GPM6A: variants seen among roughly 807,000 people sequenced by gnomAD.
The protein encoded by GPM6A is glycoprotein M6A, also known as neuronal membrane glycoprotein M6-a.
In GPM6A, 7 loss-of-function variants were observed where a neutral mutation model predicts 32.1. The observed-to-expected ratio is 0.22, with a 90% CI of 0.12 to 0.41. The LOEUF (loss-of-function observed/expected upper bound fraction) is 0.41. Ranked by LOEUF, GPM6A falls within the 10% of genes least tolerant of loss-of-function variation. GPM6A has a pLI of 1.00. For missense variants in GPM6A, 235 were observed against 347.2 expected (o/e 0.68, Z 2.57); for synonymous variants, 130 against 123.4 (o/e 1.05, Z -0.35).
At chr4:175,909,570 G>C (rs1738248756) in intron 1 of GPM6A, among the ~76,000 whole-genome samples, 1 of 152,156 alleles carries the variant, frequency 6.6e-6, no homozygotes, top group South Asian at 2.1e-4. Context: ...ATACAATATA[G>C]GTGAAGGGTG....
At chr4:175,814,167 C>T (rs192651816), upstream of GPM6A, among the ~76,000 whole-genome samples, 347 of 152,296 alleles carry the variant, frequency 2.3e-3, no homozygotes, top group African/African-American at 7.7e-3. Flanking sequence ...ATTGTAGTGC[C>T]AGTAGATACA....
intron 6 of GPM6A, among the ~76,000 whole-genome samples, chr4:175,638,834 T>C (rs1056490574): frequency 2.0e-5 from 3 of 152,162 alleles, no homozygotes; most frequent in African/African-American, 7.2e-5. Context: ...TTTCCTCTGA[T>C]ATCACAACCA....
chr4:175,939,127 G>T (rs1739329436), intron 1 of GPM6A, among the ~76,000 whole-genome samples: 2 of 152,148 alleles, frequency 1.3e-5, no homozygotes, highest in Non-Finnish European at 2.9e-5. Context: ...CCAATTAAGG[G>T]TATCTGCATA....
At chr4:175,830,893 G>T (rs1735590363) in intron 1 of GPM6A, among the ~76,000 whole-genome samples, 1 of 149,892 alleles carries the variant, frequency 6.7e-6, no homozygotes, top group African/African-American at 2.5e-5. Context: ...TATACTAACT[G>T]GGTTGGGGAA....
upstream of GPM6A, chr4:176,002,336 A>G: frequency 6.3e-7 from 1 of 1,586,982 alleles, no homozygotes; most frequent in Middle Eastern, 1.7e-4. Flanking sequence ...GCTTCTCTGC[A>G]GTCCCCAGAG....
At chr4:175,869,748 C>T (rs967607546) in intron 1 of GPM6A, among the ~76,000 whole-genome samples, 1 of 150,330 alleles carries the variant, frequency 6.7e-6, no homozygotes, top group Non-Finnish European at 1.5e-5. Flanking sequence ...CAGAACAAGA[C>T]TCCGTCTCAA....
intron 1 of GPM6A, among the ~76,000 whole-genome samples, chr4:175,753,701 C>T (rs985612503): frequency 1.3e-5 from 2 of 152,090 alleles, no homozygotes; most frequent in African/African-American, 2.4e-5. Context: ...AATGGTCTTC[C>T]AAATTCTGCT....
intron 1 of GPM6A, among the ~76,000 whole-genome samples, chr4:175,901,628 C>CTTTTTTTTTTTTTTCTTTTTT (rs59461626): frequency 3.9e-5 from 5 of 127,010 alleles, no homozygotes; most frequent in Non-Finnish European, 4.8e-5. Flanking sequence ...TTTTCTTTTT[C>CTTTTTTTTTTTTTTCTTTTTT]TTTTTTTTTT....
intron 1 of GPM6A, among the ~76,000 whole-genome samples, chr4:175,767,286 T>G (rs1216622506): frequency 2.6e-5 from 4 of 152,184 alleles, no homozygotes; most frequent in Admixed American, 2.6e-4. Flanking sequence ...ATTCAAAATC[T>G]GCCCCATTTT....
intron 1 of GPM6A, among the ~76,000 whole-genome samples, chr4:176,000,696 C>CAA (rs1741450199): frequency 6.6e-6 from 1 of 152,142 alleles, no homozygotes. Flanking sequence ...GACAGCTTTT[C>CAA]TCCTGTGTGA....
rs1250668726 is a variant in GPM6A at position 175,634,260 on chromosome 4, A to T, written c.*645T>A. On this transcript the variant is annotated 3_prime_UTR_variant, in exon 7 of 7. Coordinates refer to ENST00000393658, the MANE Select transcript of GPM6A (RefSeq NM_201591.3). ...AATCTGAGGGAAATACCTTTTAAGA[A>T]CATCAAGGAAAAGTACAATGTTAAC... 4 of 152,594 alleles carry T rather than the reference A, an allele frequency of 2.6e-5. No individual in the cohort carries two copies. Among genetic ancestry groups the T allele is most frequent in the Admixed American group, 1.3e-4 (2 of 15,266 alleles). The allele number at this position is 152,594 out of a possible 1,614,324, so 9.5% of individuals were successfully genotyped here. A position where few individuals can be genotyped will look rare whatever the true frequency, so the allele number is the denominator to read the frequency against.
Position 175,725,295 on chromosome 4 carries a change from GTTT to G in GPM6A, c.38-23531_38-23529del, listed in dbSNP as rs34600738. ...TTAATGCATTATGTTTTGGGTTTTT[GTTT>G]TTTTTTTTTTTGCAACAGAGTCTTG... On this transcript the variant is annotated intron_variant, in intron 1 of 6. Coordinates refer to ENST00000393658, the MANE Select transcript of GPM6A (RefSeq NM_201591.3). Among the ~76,000 whole-genome samples the G allele has an allele frequency of 2.8e-3, 363 of 130,326 alleles. 5 individuals carry two copies. Among genetic ancestry groups the G allele is most frequent in the African/African-American group, 9.7e-3 (348 of 36,054 alleles). The allele number at this position is 130,326 out of a possible 152,430, so 85.5% of individuals were successfully genotyped here.
At chr4:175,730,084 T>A (rs1000505968) in intron 1 of GPM6A, among the ~76,000 whole-genome samples, 1 of 151,818 alleles carries the variant, frequency 6.6e-6, no homozygotes, top group Non-Finnish European at 1.5e-5. Context: ...TGAATCTTTT[T>A]AAAAAATTTT....
chr4:175,636,260 G>GTATATATATGTA (rs1740582321), intron 6 of GPM6A, among the ~76,000 whole-genome samples: 1 of 101,340 alleles, frequency 9.9e-6, no homozygotes, highest in African/African-American at 4.0e-5. Context: ...CATAATCACT[G>GTATATATATGTA]TATATATATA....
intron 2 of GPM6A, among the ~76,000 whole-genome samples, chr4:175,675,642 C>CTTAG (rs1743320362): frequency 6.6e-6 from 1 of 151,806 alleles, no homozygotes; most frequent in Non-Finnish European, 1.5e-5. Flanking sequence ...ATAATTTCCA[C>CTTAG]TTATTTATTT....
chr4:175,829,015 C>T (rs4690636), intron 1 of GPM6A, among the ~76,000 whole-genome samples: 146,221 of 152,228 alleles, frequency 0.96, 70,518 homozygotes, highest in East Asian at 1. Flanking sequence ...CCTCCACCTC[C>T]CCAGCTAAAT....
chr4:175,760,991 T>C (rs1732714578), intron 1 of GPM6A, among the ~76,000 whole-genome samples: 1 of 152,308 alleles, frequency 6.6e-6, no homozygotes, highest in South Asian at 2.1e-4. Flanking sequence ...TTTATTGTTT[T>C]ATGTAATTCT....
intron 3 of GPM6A, among the ~76,000 whole-genome samples, chr4:175,661,449 A>G (rs922432557): frequency 3.9e-5 from 6 of 151,956 alleles, no homozygotes; most frequent in African/African-American, 1.4e-4. Context: ...AAAAAAAAAA[A>G]AAAGTCACTG....
intron 2 of GPM6A, among the ~76,000 whole-genome samples, chr4:175,687,849 G>A (rs1560875645): frequency 1.3e-5 from 2 of 152,034 alleles, no homozygotes; most frequent in African/African-American, 4.8e-5. Flanking sequence ...GTTATTTTCT[G>A]TCTTATTTTG....
Sources: allele counts gnomAD v4.1 joint callset (sites outside exome capture counted in the v4.1 genomes callset), GRCh38; gene constraint gnomAD v4.1.1; transcripts MANE v1.5; gene names NCBI Gene and HGNC (gene_info 2026-07-23, HGNC 2026-07-21).